Variants in NADK observed in about 807,000 individuals in gnomAD.
The protein encoded by NADK is NAD kinase.
NADK carries 22 observed loss-of-function variants against 49.8 expected under a neutral mutation model. That is an observed-to-expected ratio of 0.44 (90% CI 0.32 to 0.63). The LOEUF (loss-of-function observed/expected upper bound fraction) is 0.63, where lower values mean the gene tolerates loss of function less well. Among genes scored for constraint, NADK ranks in the 30% least tolerant of loss-of-function variants. The pLI, the probability that NADK is intolerant of heterozygous loss-of-function variation, is 0.06. For missense variants in NADK, 438 were observed against 609.4 expected (o/e 0.72, Z 2.96); for synonymous variants, 268 against 253.7 (o/e 1.06, Z -0.54).
At chr1:1,758,891 C>T (rs573692918) in intron 3 of NADK, among the ~76,000 whole-genome samples, 1 of 152,212 alleles carries the variant, frequency 6.6e-6, no homozygotes, top group South Asian at 2.1e-4. Flanking sequence ...ACCGCTCTGG[C>T]CCGCGGAACC....
intron 3 of NADK, chr1:1,759,068 C>T: frequency 6.0e-6 from 9 of 1,502,188 alleles, no homozygotes; most frequent in Non-Finnish European, 8.0e-6. Flanking sequence ...CACACGGCTC[C>T]CCCTGCTCTC....
upstream of NADK, among the ~76,000 whole-genome samples, chr1:1,779,621 A>G (rs1646313153): frequency 6.6e-6 from 1 of 152,092 alleles, no homozygotes; most frequent in South Asian, 2.1e-4. Context: ...TGGGACTACA[A>G]GTAGGTCCCG....
intron 4 of NADK, chr1:1,756,894 A>C: frequency 1.2e-6 from 1 of 805,264 alleles, no homozygotes; most frequent in Non-Finnish European, 2.2e-6. Flanking sequence ...TGAAGAGAAG[A>C]CACAGCAGGA....
intron 1 of NADK, among the ~76,000 whole-genome samples, chr1:1,770,868 G>C (rs1256951985): frequency 2.0e-5 from 3 of 151,786 alleles, no homozygotes; most frequent in Non-Finnish European, 4.4e-5. Flanking sequence ...GACCAACATG[G>C]TGAAACCCTG....
chr1:1,762,585 C>T (rs1645759583), intron 2 of NADK, among the ~76,000 whole-genome samples: 1 of 151,982 alleles, frequency 6.6e-6, no homozygotes, highest in Non-Finnish European at 1.5e-5. Context: ...GTGAAACCCC[C>T]ATCCTTACTA....
At chr1:1,763,668 TTTAC>T (rs1307375740) in intron 2 of NADK, among the ~76,000 whole-genome samples, 7 of 151,724 alleles carry the variant, frequency 4.6e-5, no homozygotes, top group East Asian at 1.9e-4. Context: ...ACAAAAGAAT[TTTAC>T]TTACTTACGA....
At chr1:1,759,196 C>T in intron 3 of NADK, 3 of 1,572,152 alleles carry the variant, frequency 1.9e-6, no homozygotes, top group Non-Finnish European at 2.6e-6. Flanking sequence ...CAGGCACCCA[C>T]CGCTGTGTGT....
Position 1,754,245 on chromosome 1 carries a change from G to C in NADK, c.944-37C>G. The C allele has an allele frequency of 3.1e-6, 5 of 1,613,270 alleles. No homozygotes were observed. Among genetic ancestry groups the C allele is most frequent in the Non-Finnish European group, 4.2e-6 (5 of 1,179,876 alleles). ...AGGCGCAGGCGTCACTCCCGCCCGA[G>C]GGACGCTCAGGGCCCCAGGACAGTG... is the stretch of plus-strand genomic sequence containing the variant. On this transcript the variant is annotated intron_variant, in intron 9 of 11. Transcript: ENST00000341426. This position sits in a 1 kb window ranked among gnomAD's most constrained non-coding sequence, Gnocchi z 4.3.
intron 3 of NADK, among the ~76,000 whole-genome samples, chr1:1,757,537 C>T (rs776708379): frequency 4.6e-5 from 7 of 151,996 alleles, no homozygotes; most frequent in African/African-American, 7.3e-5. Flanking sequence ...GCCCATCACA[C>T]GCAGGCTCAG....
Position 1,754,553 on chromosome 1 carries a change from C to T in NADK, c.834G>A (p.Met278Ile). Reference sequence around the variant, plus strand: ...AGGCGCCTCCACTCACCTGGTACTGCATGGCCTGCTTCCCGACATCCATGT... The same window carrying T: ...AGGCGCCTCCACTCACCTGGTACTGTATGGCCTGCTTCCCGACATCCATGT... ...GLDMDVGKQA[M>I]QYQVLNEVVI... The change falls in exon 8 of 12, where the codon ATG (methionine) becomes ATA (isoleucine). Residue 278 changes from methionine (M) to isoleucine (I), a missense_variant. Met to Ile is a conservative substitution (Grantham distance 10). Coordinates refer to ENST00000341426, the MANE Select transcript of NADK (RefSeq NM_023018.5). This position sits in a 1 kb window ranked among gnomAD's most constrained non-coding sequence, Gnocchi z 4.3. 2 of 1,611,894 alleles carry T rather than the reference C, an allele frequency of 1.2e-6. No individual in the cohort carries two copies. Among genetic ancestry groups the T allele is most frequent in the Non-Finnish European group, 1.7e-6 (2 of 1,179,130 alleles).
chr1:1,752,927 C>T lies in NADK; in HGVS notation c.1318G>A (p.Glu440Lys), dbSNP rs1034499085. Residue 440 changes from glutamate (E) to lysine (K), a missense_variant, in exon 12 of 12, where the codon GAG becomes AAG. By Grantham distance (56) the Glu-to-Lys change is moderately conservative. Coordinates refer to ENST00000341426, the MANE Select transcript of NADK (RefSeq NM_023018.5). ...ACCTAGCCCTCCTCCTCCTCCTCCT[C>T]CTCCTCCTCGAAGTGGGCTTGCTTC... ...RKKQAHFEEEEEEEEEG is the reference protein window; with the variant it reads ...RKKQAHFEEEKEEEEEG 8.7e-6 allele frequency: 14 copies of T among 1,602,782 alleles called. No homozygotes were observed. Among genetic ancestry groups the T allele is most frequent in the African/African-American group, 2.7e-5 (2 of 74,662 alleles).
chr1:1,765,173 G>A, intron 2 of NADK, 55 bp downstream of exon 2: 3 of 1,467,196 alleles, frequency 2.0e-6, no homozygotes, highest in Non-Finnish European at 2.8e-6. Flanking sequence ...TTTTAAGAAA[G>A]AATATTATGA....
Position 1,765,380 on chromosome 1 carries a change from G to C in NADK, c.27C>G (p.Thr9=). Residue 9 remains threonine, a synonymous_variant, in exon 2 of 12, where the codon ACC becomes ACG. Transcript: ENST00000341426. ...CGTCTGGACTCAATTCCTTATTCAT[G>C]GTCATTTTTTCTTGTTCCATTTCCA... MEMEQEKM[T]MNKELSPDAA... 6.2e-7 allele frequency: 1 copy of C among 1,603,090 alleles called. No individual in the cohort carries two copies. The highest frequency in any genetic ancestry group is 8.5e-7 in the Non-Finnish European group (1 of 1,173,982).
chr1:1,764,298 A>T (rs1044320908), intron 2 of NADK, among the ~76,000 whole-genome samples: 28 of 152,118 alleles, frequency 1.8e-4, no homozygotes, highest in Non-Finnish European at 3.8e-4. Flanking sequence ...AACTCACCAC[A>T]TTTACCATCA....
intron 1 of NADK, among the ~76,000 whole-genome samples, chr1:1,774,168 T>C (rs958047672): frequency 4.0e-5 from 6 of 151,454 alleles, no homozygotes; most frequent in Non-Finnish European, 8.8e-5. Context: ...TGTGTGTATA[T>C]ATATACACAC....
chr1:1,767,546 G>A (rs1183289482), intron 1 of NADK, among the ~76,000 whole-genome samples: 1 of 152,150 alleles, frequency 6.6e-6, no homozygotes, highest in African/African-American at 2.4e-5. Context: ...CTCAACAGAG[G>A]CTAAACACAC....
chr1:1,756,877 G>A (rs756280275), intron 4 of NADK: 14 of 803,232 alleles, frequency 1.7e-5, no homozygotes, highest in Admixed American at 1.7e-5. Flanking sequence ...CCCCACGCCT[G>A]CTCTTCTGAA....
At chr1:1,756,963 C>A in intron 4 of NADK, 1 of 860,034 alleles carries the variant, frequency 1.2e-6, no homozygotes, top group Non-Finnish European at 2.0e-6. Context: ...GGGCCACGAG[C>A]CCACCAGCTC....
In NADK at chr1:1,756,531, C is replaced by T; in HGVS notation, c.471G>A (p.Val157=). 1 of 1,614,092 alleles carries T rather than the reference C, an allele frequency of 6.2e-7. No individual in the cohort carries two copies. The highest frequency in any genetic ancestry group is 8.5e-7 in the Non-Finnish European group (1 of 1,180,034). The change falls in exon 5 of 12, where the codon GTG becomes GTA. Residue 157 remains valine (V), a synonymous_variant. Coordinates refer to ENST00000341426, the MANE Select transcript of NADK (RefSeq NM_023018.5). ...AIASDESFGA[V]KKKFCTFRED... is the part of the protein sequence containing the mutation. ...CTCGAAAGGTACAGAATTTCTTCTT[C>T]ACTGCCCCAAAGCTTTCATCGCTGG...
Sources: allele counts gnomAD v4.1 joint callset (sites outside exome capture counted in the v4.1 genomes callset), GRCh38; gene constraint gnomAD v4.1.1; non-coding constraint Gnocchi (gnomAD v3.1); transcripts MANE v1.5; gene names NCBI Gene and HGNC (gene_info 2026-07-23, HGNC 2026-07-21).